The following FGD4 variants were observed in gnomAD, a reference collection of about 807,000 sequenced individuals.
FGD4 encodes FYVE, RhoGEF and PH domain containing 4, also known as FYVE, RhoGEF and PH domain-containing protein 4.
A neutral mutation model predicts 102.0 loss-of-function variants in FGD4; 42 were observed. That is an observed-to-expected ratio of 0.41 (90% confidence interval 0.32 to 0.53). The LOEUF (loss-of-function observed/expected upper bound fraction) is 0.53, where lower values mean the gene tolerates loss of function less well. Ranked by LOEUF, FGD4 falls within the 20% of genes least tolerant of loss-of-function variation. The probability of loss-of-function intolerance (pLI) is 0.21; values close to 1 mark genes in which losing one functional copy is unlikely to be tolerated. For synonymous variants in FGD4, 380 were observed against 375.7 expected, an observed-to-expected ratio of 1.01 and a Z score of -0.13; for missense variants, 902 against 1,078.2, an observed-to-expected ratio of 0.84 and a Z score of 2.29.
At chr12:32,409,140 T>C (rs942067383) in intron 1 of FGD4, among the ~76,000 whole-genome samples, 3 of 152,348 alleles carry the variant, frequency 2.0e-5, no homozygotes, top group Non-Finnish European at 2.9e-5. Context: ...AAATGGAATC[T>C]ACCTGCTACC....
At chr12:32,610,721 A>G in intron 8 of FGD4, 55 bp from the exon 9 acceptor site, 1 of 1,514,136 alleles carries the variant, frequency 6.6e-7, no homozygotes, top group Non-Finnish European at 9.1e-7. Context: ...TCAGCTATAT[A>G]GAAGCACAGG....
intron 1 of FGD4, among the ~76,000 whole-genome samples, chr12:32,525,602 C>T (rs867750738): frequency 7.2e-5 from 11 of 152,254 alleles, no homozygotes; most frequent in African/African-American, 2.2e-4. Context: ...TCCCCCACTG[C>T]ACTGTGGGAG....
At chr12:32,490,482 C>T (rs886946476) in intron 1 of FGD4, among the ~76,000 whole-genome samples, 1 of 150,564 alleles carries the variant, frequency 6.6e-6, no homozygotes, top group Non-Finnish European at 1.5e-5. Context: ...CTGCAACCTC[C>T]ACCTCCCAGG....
At position 32,402,117 on chromosome 12, in the gene FGD4, ATTTTTT is replaced by A. The variant is rs56852726; in HGVS notation, c.166+2182_166+2187del. On this transcript the variant is annotated intron_variant, in intron 1 of 16. Transcript: ENST00000534526. ...CGGAGTTTCACCATGTTGGCCAGGC[ATTTTTT>A]TTTTTTTTTTTTTTTTTTTTTTTAA... Among the ~76,000 whole-genome samples the A allele has an allele frequency of 1.0e-3, 106 of 105,190 alleles. 1 individual carries two copies. The East Asian group carries it at 0.012, about 12-fold the overall frequency. 69.0% of individuals were successfully genotyped at this position (105,190 alleles called of 152,430 possible). A position where few individuals can be genotyped will look rare whatever the true frequency, so the allele number is the denominator to read the frequency against.
intron 1 of FGD4, among the ~76,000 whole-genome samples, chr12:32,545,058 T>G (rs1943127831): frequency 6.6e-6 from 1 of 152,314 alleles, no homozygotes; most frequent in Non-Finnish European, 1.5e-5. Flanking sequence ...CTACTGACCT[T>G]GAGAAGCATG....
At chr12:32,400,221 G>GAATT (rs1940596868) in intron 1 of FGD4, among the ~76,000 whole-genome samples, 1 of 152,214 alleles carries the variant, frequency 6.6e-6, no homozygotes, top group Non-Finnish European at 1.5e-5. Flanking sequence ...AGTACAGGTA[G>GAATT]AATTCTCTTT....
chr12:32,592,858 TG>T (rs1947593215), intron 4 of FGD4, among the ~76,000 whole-genome samples: 1 of 152,208 alleles, frequency 6.6e-6, no homozygotes, highest in Non-Finnish European at 1.5e-5. Context: ...GAATTTATGT[TG>T]GAAAAAAATA....
At chr12:32,551,660 G>T (rs779441240) in intron 1 of FGD4, among the ~76,000 whole-genome samples, 1 of 152,122 alleles carries the variant, frequency 6.6e-6, no homozygotes, top group Admixed American at 6.6e-5. Flanking sequence ...CCAAACAGCC[G>T]AATGTCATGC....
chr12:32,640,650 AT>A lies in FGD4; in HGVS notation c.*118del. On this transcript the variant is annotated 3_prime_UTR_variant, in exon 17 of 17. Transcript: ENST00000534526. ...TTGAAAAATATAGGCCCATAAATGC[AT>A]CTTTTGAGGACTATTTTCCTATGTT... 7.3e-7 allele frequency: 1 copy of A among 1,378,494 alleles called. No individual in the cohort carries two copies. The allele number at this position is 1,378,494 out of a possible 1,614,324, so 85.4% of individuals were successfully genotyped here.
chr12:32,527,496 C>G (rs1298904013), intron 1 of FGD4, among the ~76,000 whole-genome samples: 2 of 152,130 alleles, frequency 1.3e-5, no homozygotes, highest in Non-Finnish European at 2.9e-5. Flanking sequence ...GTGGTGCGAT[C>G]TCAGCTCACT....
intron 1 of FGD4, among the ~76,000 whole-genome samples, chr12:32,526,030 C>G (rs998223324): frequency 6.6e-6 from 1 of 152,258 alleles, no homozygotes; most frequent in Non-Finnish European, 1.5e-5. Flanking sequence ...CCAGTCCCAT[C>G]GACCACGCAA....
intron 1 of FGD4, among the ~76,000 whole-genome samples, chr12:32,427,890 CT>C (rs1329710308): frequency 6.6e-6 from 1 of 151,802 alleles, no homozygotes; most frequent in Non-Finnish European, 1.5e-5. Flanking sequence ...GCAACTCCTG[CT>C]TTTTTTTGCT....
intron 1 of FGD4, among the ~76,000 whole-genome samples, chr12:32,441,312 G>A (rs1387240391): frequency 6.6e-6 from 1 of 152,082 alleles, no homozygotes; most frequent in African/African-American, 2.4e-5. Flanking sequence ...TAGTACCTGG[G>A]TATCTCTGCT....
chr12:32,621,423 C>G (rs1441709382), intron 11 of FGD4, among the ~76,000 whole-genome samples: 1 of 152,070 alleles, frequency 6.6e-6, no homozygotes, highest in Non-Finnish European at 1.5e-5. Context: ...TGTCAATATC[C>G]CAGAATCCAC....
rs572589677 is a variant in FGD4, at chr12:32,546,757, A to G, written c.167-17380A>G. On this transcript the variant is annotated intron_variant, in intron 1 of 16. Transcript: ENST00000534526. The stretch of plus-strand genomic sequence containing the variant: ...GAGTCTACAATGGTGAGGCCTCATC[A>G]GCCTCGATTTGAGAAGCAAATGTAG... Among the ~76,000 whole-genome samples, 5 of 152,334 alleles carry G rather than the reference A, an allele frequency of 3.3e-5. No homozygotes were observed. In the East Asian group the frequency reaches 7.7e-4, roughly 24 times the overall value.
chr12:32,611,653 A>T (rs568604681), intron 10 of FGD4, among the ~76,000 whole-genome samples: 89 of 152,388 alleles, frequency 5.8e-4, no homozygotes, highest in African/African-American at 2.1e-3. Flanking sequence ...ATGTTTCCTT[A>T]TTCACCAAAG....
At chr12:32,603,721 A>C (rs1948589504) in intron 7 of FGD4, among the ~76,000 whole-genome samples, 1 of 150,042 alleles carries the variant, frequency 6.7e-6, no homozygotes. Context: ...TTTTTTTTAG[A>C]GACAGGGTCT....
intron 14 of FGD4, among the ~76,000 whole-genome samples, chr12:32,628,381 A>G (rs1950299029): frequency 6.6e-6 from 1 of 152,012 alleles, no homozygotes; most frequent in African/African-American, 2.4e-5. Context: ...GGGAAAAAAA[A>G]AAGCCTCCAC....
chr12:32,609,161 G>T lies in FGD4; in HGVS notation c.1543+1066G>T, dbSNP rs188242404. 2.5e-4 allele frequency among the ~76,000 whole-genome samples: 38 copies of T among 152,248 alleles called. No individual in the cohort carries two copies. The East Asian group carries it at 6.4e-3, about 26-fold the overall frequency. ...TTACAGGTGTGAGCCACTGCTTCTG[G>T]CCCTGATCCTTAGCCTTTTCTAGAA... On this transcript the variant is annotated intron_variant, in intron 8 of 16. Transcript: ENST00000534526.
Sources: gnomAD v4.1 joint callset for allele counts (sites outside exome capture counted in the v4.1 genomes callset) on GRCh38, gnomAD v4.1.1 for gene constraint, MANE v1.5 for transcripts, NCBI Gene and HGNC (gene_info 2026-07-23, HGNC 2026-07-21) for gene names.